Variants in PRPSAP1 observed in about 807,000 individuals in gnomAD.
PRPSAP1 encodes the protein phosphoribosyl pyrophosphate synthetase associated protein 1.
PRPSAP1 carries 31 observed loss-of-function variants against 39.4 expected under a neutral mutation model. The observed-to-expected ratio is 0.79, with a 90% CI of 0.59 to 1.06. The LOEUF (loss-of-function observed/expected upper bound fraction) is 1.06. Ranked by LOEUF, PRPSAP1 falls within the 50% of genes least tolerant of loss-of-function variation. The probability of loss-of-function intolerance (pLI) is 0.00; values close to 1 mark genes in which losing one functional copy is unlikely to be tolerated. For missense variants in PRPSAP1, 430 were observed against 511.6 expected, an observed-to-expected ratio of 0.84 and a Z score of 1.54; for synonymous variants, 212 against 192.6, an observed-to-expected ratio of 1.10 and a Z score of -0.83.
intron 5 of PRPSAP1, 85 bp downstream of exon 5, chr17:76,330,466 C>T (rs551197360): frequency 3.0e-5 from 31 of 1,017,898 alleles, no homozygotes; most frequent in Non-Finnish European, 4.5e-5. Flanking sequence ...TTTGATGTGC[C>T]TTCCAGTAAC....
Position 76,311,352 on chromosome 17 carries a change from T to C in PRPSAP1, c.*190A>G, listed in dbSNP as rs2071068202. 4 of 558,522 alleles carry C rather than the reference T, an allele frequency of 7.2e-6. No homozygotes were observed. The highest frequency in any genetic ancestry group is 3.0e-6 in the Non-Finnish European group (1 of 330,064). The allele number at this position is 558,522 out of a possible 1,614,324, so 34.6% of individuals were successfully genotyped here. A position where few individuals can be genotyped will look rare whatever the true frequency, so the allele number is the denominator to read the frequency against. ...ACAGCAGACATGTAAGGCCATGTTA[T>C]GATATTTATCCATTAGCTCTGTCTT... On this transcript the variant is annotated 3_prime_UTR_variant, in exon 10 of 10. Transcript: ENST00000446526.
Position 76,312,911 on chromosome 17 carries a change from C to T in PRPSAP1, c.958G>A (p.Ala320Thr), listed in dbSNP as rs763982984. 6.2e-6 allele frequency: 10 copies of T among 1,614,032 alleles called. No homozygotes were observed. The highest frequency in any genetic ancestry group is 8.5e-6 in the Non-Finnish European group (10 of 1,180,030). ...TCCTCAATCAGGCGAGGGGCCTCTG[C>T]AGACAGGATGCCGTGGGTGGCCATA... Reference protein sequence around the residue: ...YVMATHGILSAEAPRLIEESS... With the variant: ...YVMATHGILSTEAPRLIEESS... The change falls in exon 9 of 10, where the codon GCA becomes ACA. Residue 320 changes from alanine (A) to threonine (T), a missense_variant. Ala to Thr is a moderately conservative substitution (Grantham distance 58). Around this residue, in one of 2 missense-constraint regions of PRPSAP1, gnomAD observed 278 missense variants for 376.3 expected, o/e 0.74. Transcript: ENST00000446526.
chr17:76,342,433 G>A (rs992781826), intron 3 of PRPSAP1, among the ~76,000 whole-genome samples: 1 of 152,142 alleles, frequency 6.6e-6, no homozygotes, highest in Non-Finnish European at 1.5e-5. Context: ...CAAAGTCAAG[G>A]CCGGGTGTGG....
At chr17:76,313,725 G>A (rs1338715260) in intron 8 of PRPSAP1, 96 bp downstream of exon 8, 13 of 1,349,190 alleles carry the variant, frequency 9.6e-6, no homozygotes, top group East Asian at 2.4e-5. Context: ...GGATCCATTC[G>A]GATCATCGTT....
intron 7 of PRPSAP1, among the ~76,000 whole-genome samples, chr17:76,322,344 C>A (rs1236797766): frequency 6.6e-6 from 1 of 152,110 alleles, no homozygotes; most frequent in African/African-American, 2.4e-5. Context: ...TGCACTAAGC[C>A]GAGATCGTGC....
At chr17:76,320,417 A>T (rs2071182543) in intron 7 of PRPSAP1, among the ~76,000 whole-genome samples, 1 of 135,042 alleles carries the variant, frequency 7.4e-6, no homozygotes, top group Non-Finnish European at 1.6e-5. Flanking sequence ...TGCTTTGCAG[A>T]TAATGCTTTT....
intron 5 of PRPSAP1, 197 bp from the exon 6 acceptor site, chr17:76,330,295 TAA>T (rs914598107): frequency 6.8e-6 from 4 of 590,480 alleles, no homozygotes; most frequent in Non-Finnish European, 1.2e-5. Flanking sequence ...AAGAATTTTT[TAA>T]AAATAATTCT....
chr17:76,353,247 G>A, intron 1 of PRPSAP1: 2 of 383,432 alleles, frequency 5.2e-6, no homozygotes, highest in East Asian at 4.6e-5. Flanking sequence ...AGAAAGCTCG[G>A]CCCGCCCCGG....
At chr17:76,319,952 C>G (rs180869288) in intron 7 of PRPSAP1, among the ~76,000 whole-genome samples, 2,109 of 151,854 alleles carry the variant, frequency 0.014, 23 homozygotes, top group Non-Finnish European at 0.022. Context: ...TCTCTCTGGC[C>G]AAATATGAGA....
rs574656533 is a variant in PRPSAP1, at chr17:76,340,919, G to A, written c.290+3752C>T. On this transcript the variant is annotated intron_variant, in intron 3 of 9. Transcript: ENST00000446526. ...CTCCATCTCAAAAAAAAAAAAAAGC[G>A]GGGGGTAGGGGGGGACTGTCTTTCA... Among the ~76,000 whole-genome samples, 675 of 150,640 alleles carry A rather than the reference G, an allele frequency of 4.5e-3. 2 individuals are homozygous for A. The highest frequency in any genetic ancestry group is 7.2e-3 in the African/African-American group (298 of 41,198).
At chr17:76,328,588 G>A (rs2143494252) in intron 7 of PRPSAP1, 129 bp downstream of exon 7, 1 of 1,216,942 alleles carries the variant, frequency 8.2e-7, no homozygotes, top group South Asian at 1.4e-5. Context: ...TAGCCTGGGT[G>A]ACAGAGTGAG....
At chr17:76,345,245 A>AAAAAAAAAAAAAAAAAAAAAAG (rs1567809415) in intron 2 of PRPSAP1, among the ~76,000 whole-genome samples, 10 of 141,996 alleles carry the variant, frequency 7.0e-5, no homozygotes, top group African/African-American at 2.6e-4. Context: ...ATTAAAAAAA[A>AAAAAAAAAAAAAAAAAAAAAAG]AAAAAAAAAA....
intron 1 of PRPSAP1, among the ~76,000 whole-genome samples, chr17:76,351,358 A>C (rs1386518170): frequency 1.3e-5 from 2 of 152,158 alleles, no homozygotes; most frequent in African/African-American, 4.8e-5. Context: ...TACTAAAAAT[A>C]CAAAAAATTA....
intron 3 of PRPSAP1, among the ~76,000 whole-genome samples, chr17:76,343,158 T>C (rs1441860834): frequency 1.3e-5 from 2 of 152,312 alleles, no homozygotes; most frequent in South Asian, 2.1e-4. Flanking sequence ...ATTACTAATA[T>C]GGTCTGGGGA....
chr17:76,352,373 C>T (rs1273303462), intron 1 of PRPSAP1, among the ~76,000 whole-genome samples: 3 of 152,122 alleles, frequency 2.0e-5, no homozygotes, highest in South Asian at 2.1e-4. Flanking sequence ...TCACCGGGCG[C>T]GGTGGCTGAA....
Position 76,353,811 on chromosome 17 carries a change from G to T in PRPSAP1, c.-108C>A. The T allele has an allele frequency of 7.2e-7, 1 of 1,387,330 alleles. No homozygotes were observed. The highest frequency in any genetic ancestry group is 9.3e-7 in the Non-Finnish European group (1 of 1,078,914). 85.9% of individuals were successfully genotyped at this position (1,387,330 alleles called of 1,614,324 possible). ...TGGGGAAGGCGCTGAGAAACTCGGCGCAAGCGGGGAGAGCTCCGAGGTCCG... is the reference window on the plus strand; with the variant it reads ...TGGGGAAGGCGCTGAGAAACTCGGCTCAAGCGGGGAGAGCTCCGAGGTCCG... On this transcript the variant is annotated 5_prime_UTR_variant, in exon 1 of 10. Transcript: ENST00000446526.
At position 76,348,574 on chromosome 17, in the gene PRPSAP1, CA is replaced by C. The variant is rs1169030252; in HGVS notation, c.177del (p.Gly60ValfsTer21). Reference sequence around the variant, plus strand: ...ACAACAGACTTCCCCAATTCAGCACCAAGGCGCCTATAGATCAAAAAGAACA... The same window carrying C: ...ACAACAGACTTCCCCAATTCAGCACCAGGCGCCTATAGATCAAAAAGAACA... ...TELAKRITERLGAELGKSVVY... is the reference protein window; with the variant it reads ...TELAKRITERXGAELGKSVVY... On this transcript the variant is annotated frameshift_variant, in exon 2 of 10. Coordinates refer to ENST00000446526, the MANE Select transcript of PRPSAP1 (RefSeq NM_002766.3). LOFTEE classifies it high-confidence loss of function. The C allele has an allele frequency of 6.5e-7, 1 of 1,531,518 alleles. No homozygotes were observed. Among genetic ancestry groups the C allele is most frequent in the Non-Finnish European group, 8.7e-7 (1 of 1,151,076 alleles). 94.9% of individuals were successfully genotyped at this position (1,531,518 alleles called of 1,614,324 possible).
At chr17:76,312,693 A>G in intron 9 of PRPSAP1, 177 bp downstream of exon 9, 3 of 674,132 alleles carry the variant, frequency 4.5e-6, no homozygotes, top group East Asian at 2.9e-5. Flanking sequence ...AAGTTGAACC[A>G]TGGTAAGTCG....
intron 3 of PRPSAP1, among the ~76,000 whole-genome samples, chr17:76,335,540 G>C (rs2071368727): frequency 6.6e-6 from 1 of 151,926 alleles, no homozygotes; most frequent in Non-Finnish European, 1.5e-5. Flanking sequence ...ATTTTTAGTA[G>C]AGATGGGGTT....
Sources: allele counts gnomAD v4.1 joint callset (sites outside exome capture counted in the v4.1 genomes callset), GRCh38; gene constraint gnomAD v4.1.1; regional missense constraint gnomAD v4.1.1; transcripts MANE v1.5; gene names NCBI Gene and HGNC (gene_info 2026-07-23, HGNC 2026-07-21).